The following TAF2 variants were observed in gnomAD, a reference collection of about 807,000 sequenced individuals.
The protein encoded by TAF2 is transcription initiation factor TFIID subunit 2.
In TAF2, 61 loss-of-function variants were observed where a neutral mutation model predicts 138.5. The observed-to-expected ratio is 0.44, with a 90% confidence interval of 0.36 to 0.54. The LOEUF (loss-of-function observed/expected upper bound fraction) is 0.54. TAF2 is among the 20% of genes least tolerant of loss of function. TAF2 has a pLI of 0.00. For missense variants in TAF2, 1,090 were observed against 1,427.9 expected (o/e 0.76, Z 3.81); for synonymous variants, 475 against 469.9 (o/e 1.01, Z -0.14).
At chr8:119,744,726 A>C (rs1819838178) in intron 23 of TAF2, 1 of 382,818 alleles carries the variant, frequency 2.6e-6, no homozygotes, top group South Asian at 2.2e-5. Context: ...TAAGTTAAAT[A>C]CTTGGTTCGA....
In TAF2 at chr8:119,812,974, G is replaced by C. The variant is rs1394967873; in HGVS notation, c.299+6372C>G. Among the ~76,000 whole-genome samples the C allele has an allele frequency of 2.0e-5, 3 of 152,152 alleles. No homozygotes were observed. The East Asian group carries it at 5.8e-4, about 29-fold the overall frequency. ...CCTTTTAATAGATAGCCAGTAGTGA[G>C]AACGCCAGATAAAGTGGTAGATCTA... is the stretch of plus-strand genomic sequence containing the variant. On this transcript the variant is annotated intron_variant, in intron 3 of 25. Coordinates refer to ENST00000378164, the MANE Select transcript of TAF2 (RefSeq NM_003184.4).
At chr8:119,809,053 T>C (rs1200615334) in intron 3 of TAF2, among the ~76,000 whole-genome samples, 1 of 152,228 alleles carries the variant, frequency 6.6e-6, no homozygotes, top group African/African-American at 2.4e-5. Context: ...CTGACTTCTT[T>C]TTAGCTGGGA....
At chr8:119,780,341 G>T (rs1822556094) in intron 17 of TAF2, among the ~76,000 whole-genome samples, 1 of 151,954 alleles carries the variant, frequency 6.6e-6, no homozygotes, top group South Asian at 2.1e-4. Context: ...TTCCAAAAAA[G>T]ATAAATTTTA....
chr8:119,743,706 T>C (rs767477993), intron 24 of TAF2, among the ~76,000 whole-genome samples: 11 of 152,162 alleles, frequency 7.2e-5, no homozygotes, highest in Non-Finnish European at 1.3e-4. Context: ...TCGGGAAATT[T>C]ATCCAAGAAA....
At chr8:119,783,078 C>T (rs1822784999) in intron 16 of TAF2, among the ~76,000 whole-genome samples, 1 of 152,142 alleles carries the variant, frequency 6.6e-6, no homozygotes, top group Non-Finnish European at 1.5e-5. Context: ...CAAGGAATTG[C>T]TCACCAAATA....
intron 2 of TAF2, among the ~76,000 whole-genome samples, chr8:119,822,407 T>C (rs1469074265): frequency 6.6e-6 from 1 of 151,978 alleles, no homozygotes; most frequent in Non-Finnish European, 1.5e-5. Context: ...TTTTTTTCTC[T>C]AGAGACGGGT....
In TAF2 at chr8:119,809,998, TA is replaced by T. The variant is rs56281726; in HGVS notation, c.300-3598del. Among the ~76,000 whole-genome samples the T allele has an allele frequency of 6.4e-3, 755 of 117,634 alleles. 5 individuals carry two copies. Among genetic ancestry groups the T allele is most frequent in the African/African-American group, 0.016 (497 of 31,682 alleles). 77.2% of individuals were successfully genotyped at this position (117,634 alleles called of 152,430 possible). A position where few individuals can be genotyped will look rare whatever the true frequency, so the allele number is the denominator to read the frequency against. On this transcript the variant is annotated intron_variant, in intron 3 of 25. Coordinates refer to ENST00000378164, the MANE Select transcript of TAF2 (RefSeq NM_003184.4). Reference sequence around the variant, plus strand: ...AAGGTTATCACAAACCTTCAATTTGTAAAAAAAAAAAAAAAAAAACAGTATC... The same window carrying T: ...AAGGTTATCACAAACCTTCAATTTGTAAAAAAAAAAAAAAAAAACAGTATC...
At chr8:119,815,315 C>T (rs997056899) in intron 3 of TAF2, among the ~76,000 whole-genome samples, 15 of 151,172 alleles carry the variant, frequency 9.9e-5, no homozygotes, top group African/African-American at 3.6e-4. Flanking sequence ...CACTCTGTCG[C>T]CCAGGCTGGA....
intron 3 of TAF2, among the ~76,000 whole-genome samples, chr8:119,811,552 A>T (rs1430082904): frequency 6.6e-6 from 1 of 152,136 alleles, no homozygotes; most frequent in East Asian, 1.9e-4. Context: ...CACGCCTGTA[A>T]TCCCAGCACT....
At chr8:119,821,061 A>G (rs967166847) in intron 2 of TAF2, among the ~76,000 whole-genome samples, 1 of 152,218 alleles carries the variant, frequency 6.6e-6, no homozygotes, top group African/African-American at 2.4e-5. Flanking sequence ...TGGGTGGGAC[A>G]TAAGAACAGC....
At chr8:119,813,105 T>C (rs1477267302) in intron 3 of TAF2, among the ~76,000 whole-genome samples, 1 of 152,212 alleles carries the variant, frequency 6.6e-6, no homozygotes, top group African/African-American at 2.4e-5. Flanking sequence ...ACATCTGTTT[T>C]TTTTGTTTTG....
chr8:119,765,763 T>C (rs1330212129), intron 18 of TAF2, among the ~76,000 whole-genome samples: 1 of 152,202 alleles, frequency 6.6e-6, no homozygotes, highest in East Asian at 1.9e-4. Flanking sequence ...GAGCTAGGAA[T>C]GATGATAATG....
intron 18 of TAF2, chr8:119,762,859 A>G: frequency 3.0e-6 from 1 of 335,426 alleles, no homozygotes; most frequent in Non-Finnish European, 5.4e-6. Context: ...AGCATAAAGA[A>G]ACTGGAGGGT....
At position 119,819,522 on chromosome 8, in the gene TAF2, A is replaced by G. The variant is rs532637949; in HGVS notation, c.139-16T>C. On this transcript the variant is annotated splice_polypyrimidine_tract_variant and intron_variant, in intron 2 of 25. Coordinates refer to ENST00000378164, the MANE Select transcript of TAF2 (RefSeq NM_003184.4). ...CCACAAATCCCTGTAAAGATAGAGA[A>G]TAACAACTTCATTATAAAGACTGGT... 2 of 1,592,224 alleles carry G rather than the reference A, an allele frequency of 1.3e-6. No homozygotes were observed. Among genetic ancestry groups the G allele is most frequent in the African/African-American group, 1.3e-5 (1 of 74,762 alleles).
At chr8:119,829,242 G>A (rs1372111407) in intron 2 of TAF2, among the ~76,000 whole-genome samples, 1 of 152,190 alleles carries the variant, frequency 6.6e-6, no homozygotes, top group African/African-American at 2.4e-5. Context: ...AAAGGAAACT[G>A]GAAAACAGAA....
At position 119,731,576 on chromosome 8, in the gene TAF2, G is replaced by A. The variant is rs1422660273; in HGVS notation, c.*348C>T. 3.0e-5 allele frequency: 9 copies of A among 299,386 alleles called. No individual in the cohort carries two copies. Among genetic ancestry groups the A allele is most frequent in the Admixed American group, 9.3e-5 (2 of 21,532 alleles). The allele number at this position is 299,386 out of a possible 1,614,324, so 18.5% of individuals were successfully genotyped here. The stretch of plus-strand genomic sequence containing the variant: ...ACTTTGCCCCATAACATCCACCAAA[G>A]GCTTTCAAACATAATTGACTTTGGC... On this transcript the variant is annotated 3_prime_UTR_variant, in exon 26 of 26. Transcript: ENST00000378164.
chr8:119,818,590 G>GA (rs1047354701), intron 3 of TAF2, among the ~76,000 whole-genome samples: 5 of 151,880 alleles, frequency 3.3e-5, no homozygotes, highest in African/African-American at 1.2e-4. Flanking sequence ...TAATCAAAGG[G>GA]AAAAAAATTT....
At chr8:119,795,768 G>A in intron 8 of TAF2, 137 bp from the exon 9 acceptor site, 1 of 845,666 alleles carries the variant, frequency 1.2e-6, no homozygotes, top group South Asian at 1.5e-5. Context: ...CAAATTATCA[G>A]GTTTCCCAAC....
chr8:119,788,695 C>T (rs1288552273), intron 13 of TAF2, 95 bp downstream of exon 13: 1 of 938,610 alleles, frequency 1.1e-6, no homozygotes. Flanking sequence ...CAAACAAAAT[C>T]TCATTAATTT....
Sources: allele counts gnomAD v4.1 joint callset (sites outside exome capture counted in the v4.1 genomes callset), GRCh38; gene constraint gnomAD v4.1.1; transcripts MANE v1.5; gene names NCBI Gene and HGNC (gene_info 2026-07-23, HGNC 2026-07-21).